ABL1: variants seen among roughly 807,000 people sequenced by gnomAD.
ABL1 encodes ABL proto-oncogene 1, non-receptor tyrosine kinase, also known as tyrosine-protein kinase ABL1.
Under a neutral mutation model 94.7 loss-of-function variants are expected in ABL1, and 11 were observed. The observed-to-expected ratio is 0.12, with a 90% CI of 0.07 to 0.19. ABL1 has a LOEUF of 0.19. Ranked by LOEUF, ABL1 falls within the 10% of genes least tolerant of loss-of-function variation. The pLI is 1.00. For missense variants in ABL1, 1,082 were observed against 1,489.4 expected (o/e 0.73, Z 4.50); for synonymous variants, 656 against 622.4 (o/e 1.05, Z -0.80).
chr9:130,717,304 A>G (rs530248088), intron 1 of ABL1, among the ~76,000 whole-genome samples: 13 of 152,138 alleles, frequency 8.5e-5, no homozygotes, highest in Non-Finnish European at 1.9e-4. Flanking sequence ...CAGCCTCCCA[A>G]AATGCTGGGA....
intron 1 of ABL1, among the ~76,000 whole-genome samples, chr9:130,845,055 C>G (rs753819714): frequency 6.6e-6 from 1 of 152,194 alleles, no homozygotes; most frequent in Admixed American, 6.5e-5. Flanking sequence ...AGCATTCTCA[C>G]AGGAAGAGCC....
chr9:130,879,291 ACT>A (rs1229115940), intron 8 of ABL1, among the ~76,000 whole-genome samples: 3 of 152,030 alleles, frequency 2.0e-5, no homozygotes, highest in Admixed American at 6.6e-5. Flanking sequence ...CATTTCTTAC[ACT>A]GTTTTCCCAC....
intron 1 of ABL1, among the ~76,000 whole-genome samples, chr9:130,800,758 TATATGA>T (rs1280884335): frequency 6.6e-6 from 1 of 152,200 alleles, no homozygotes; most frequent in Admixed American, 6.5e-5. Flanking sequence ...AATATTGCAT[TATATGA>T]ATATCTCACA....
intron 1 of ABL1, among the ~76,000 whole-genome samples, chr9:130,739,343 A>G (rs1415655105): frequency 6.6e-6 from 1 of 151,602 alleles, no homozygotes; most frequent in Non-Finnish European, 1.5e-5. Flanking sequence ...TTGTCAATCT[A>G]AATGCATAGT....
Position 130,863,146 on chromosome 9 carries a change from A to T in ABL1, c.822+111A>T, listed in dbSNP as rs548004554. On this transcript the variant is annotated intron_variant, in intron 4 of 10. Transcript: ENST00000318560. This position sits in a 1 kb window ranked among gnomAD's most constrained non-coding sequence, Gnocchi z 4.3. ...CTCCTGCCTGCTGTCCGAGGGCTTC[A>T]TTGGCGCCACGGAATTGACTTTTCC... The T allele has an allele frequency of 7.8e-7, 1 of 1,278,688 alleles. No individual in the cohort carries two copies. Among genetic ancestry groups the T allele is most frequent in the Non-Finnish European group, 1.1e-6 (1 of 944,702 alleles). The allele number at this position is 1,278,688 out of a possible 1,614,324, so 79.2% of individuals were successfully genotyped here.
intron 1 of ABL1, among the ~76,000 whole-genome samples, chr9:130,727,755 C>T (rs1028158779): frequency 1.5e-5 from 2 of 131,466 alleles, no homozygotes; most frequent in Non-Finnish European, 3.1e-5. Context: ...GACACCGCCC[C>T]CCCCCCCCAA....
intron 1 of ABL1, among the ~76,000 whole-genome samples, chr9:130,775,761 C>A (rs1243866878): frequency 6.6e-6 from 1 of 151,674 alleles, no homozygotes; most frequent in African/African-American, 2.4e-5. Flanking sequence ...AAAAAAAAGT[C>A]TTCTCCAAAT....
chr9:130,809,443 T>TGCGC (rs1554765798), intron 1 of ABL1, among the ~76,000 whole-genome samples: 3 of 144,984 alleles, frequency 2.1e-5, no homozygotes, highest in East Asian at 2.0e-4. Context: ...TGTGTGTGTG[T>TGCGC]GCACGTGTGA....
chr9:130,886,207 AGGGCATGCAC>A lies in ABL1; in HGVS notation c.*535_*544del, dbSNP rs1001398047. On this transcript the variant is annotated 3_prime_UTR_variant, in exon 11 of 11. Coordinates refer to ENST00000318560, the MANE Select transcript of ABL1 (RefSeq NM_005157.6). ...ATGTTTCAAGAACCGCATTTCGGGA[AGGGCATGCAC>A]GGGCATGCACACGGCTGGTCACTCT... The A allele has an allele frequency of 5.0e-5, 12 of 240,538 alleles. No homozygotes were observed. Among genetic ancestry groups the A allele is most frequent in the African/African-American group, 6.6e-5 (3 of 45,394 alleles). 14.9% of individuals were successfully genotyped at this position (240,538 alleles called of 1,614,324 possible).
intron 3 of ABL1, among the ~76,000 whole-genome samples, chr9:130,856,947 C>G (rs1047809406): frequency 4.6e-5 from 7 of 152,108 alleles, no homozygotes; most frequent in Non-Finnish European, 1.0e-4. Context: ...GCTTTCAAAC[C>G]TTTTCAAAAA....
rs1831605847 is a variant in ABL1 at position 130,887,404 on chromosome 9, G to C, written c.*1721G>C. 1 of 233,326 alleles carries C rather than the reference G, an allele frequency of 4.3e-6. No individual in the cohort carries two copies. 14.5% of individuals were successfully genotyped at this position (233,326 alleles called of 1,614,324 possible). ...GCCCACCCAGGTCCCCCGACTGCCT[G>C]TCTCCATGAGGTACTGGTCCCTTCC... On this transcript the variant is annotated 3_prime_UTR_variant, in exon 11 of 11. Coordinates refer to ENST00000318560, the MANE Select transcript of ABL1 (RefSeq NM_005157.6).
intron 1 of ABL1, among the ~76,000 whole-genome samples, chr9:130,790,038 AGG>A (rs1431102773): frequency 6.6e-6 from 1 of 152,286 alleles, no homozygotes; most frequent in Non-Finnish European, 1.5e-5. Flanking sequence ...GATGAACAAC[AGG>A]CCTTTGTCTG....
chr9:130,802,116 G>C (rs997580422), intron 1 of ABL1, among the ~76,000 whole-genome samples: 1 of 104,216 alleles, frequency 9.6e-6, no homozygotes, highest in Non-Finnish European at 1.8e-5. Context: ...TTTTTGAAAT[G>C]GTCTCTCTCT....
At chr9:130,869,884 G>T (rs917563492) in intron 4 of ABL1, among the ~76,000 whole-genome samples, 16 of 152,170 alleles carry the variant, frequency 1.1e-4, no homozygotes, top group Non-Finnish European at 2.9e-5. Flanking sequence ...AAGTGCAGTG[G>T]TGCGATCTTG....
chr9:130,726,334 TTCC>T (rs1278072980), intron 1 of ABL1, among the ~76,000 whole-genome samples: 2 of 152,102 alleles, frequency 1.3e-5, no homozygotes, highest in Admixed American at 1.3e-4. Flanking sequence ...CACTCCTGCC[TTCC>T]TCCTCCTCAG....
intron 1 of ABL1, among the ~76,000 whole-genome samples, chr9:130,811,733 A>G (rs941267741): frequency 2.6e-5 from 4 of 151,824 alleles, no homozygotes; most frequent in Admixed American, 2.6e-4. Flanking sequence ...ACAGGGTGAA[A>G]CTTTGTCTCT....
intron 1 of ABL1, among the ~76,000 whole-genome samples, chr9:130,774,917 AG>A (rs1832294239): frequency 6.6e-6 from 1 of 152,130 alleles, no homozygotes; most frequent in Non-Finnish European, 1.5e-5. Context: ...AAGAAAGGAA[AG>A]AAAACAAAGA....
At chr9:130,787,563 G>T (rs1829846447) in intron 1 of ABL1, among the ~76,000 whole-genome samples, 1 of 152,152 alleles carries the variant, frequency 6.6e-6, no homozygotes, top group Admixed American at 6.5e-5. Context: ...GTGGATTACG[G>T]CTTTTGCATT....
At chr9:130,816,559 G>T (rs1830288995) in intron 1 of ABL1, among the ~76,000 whole-genome samples, 1 of 148,866 alleles carries the variant, frequency 6.7e-6, no homozygotes, top group Non-Finnish European at 1.5e-5. Flanking sequence ...ACAGAATCTT[G>T]CTCTGTCTCA....
Sources: gnomAD v4.1 joint callset for allele counts (sites outside exome capture counted in the v4.1 genomes callset) on GRCh38, gnomAD v4.1.1 for gene constraint, Gnocchi (gnomAD v3.1) non-coding constraint, MANE v1.5 for transcripts, NCBI Gene and HGNC (gene_info 2026-07-23, HGNC 2026-07-21) for gene names.